Variants in RYR2 observed in about 807,000 individuals in gnomAD.
RYR2 encodes the protein ryanodine receptor 2, also known as cardiac muscle ryanodine receptor-calcium release channel.
RYR2 carries 227 observed loss-of-function variants against 601.1 expected under a neutral mutation model. That is an observed-to-expected ratio of 0.38 (90% CI 0.34 to 0.42). RYR2 has a LOEUF of 0.42. Among genes scored for constraint, RYR2 ranks in the 10% least tolerant of loss-of-function variants. The pLI is 1.00. For missense variants in RYR2, 4,646 were observed against 6,156.5 expected (o/e 0.75, Z 8.21); for synonymous variants, 2,223 against 2,175.1 (o/e 1.02, Z -0.61).
chr1:237,788,054 TCA>T lies in RYR2; in HGVS notation c.13404_13405del (p.His4468GlnfsTer53). The T allele has an allele frequency of 6.2e-7, 1 of 1,611,068 alleles. No homozygotes were observed. The highest frequency in any genetic ancestry group is 8.5e-7 in the Non-Finnish European group (1 of 1,178,424). ...DKGKQKLRQL[H>X]THRYGEPEVP... ...AGGGCAAACAAAAGTTGAGGCAGCT[TCA>T]CACACACAGATACGGAGAACCAGAA... On this transcript the variant is annotated frameshift_variant, in exon 92 of 105. Transcript: ENST00000366574. LOFTEE classifies it high-confidence loss of function.
At chr1:237,548,915 TA>T (rs1670098260) in intron 26 of RYR2, among the ~76,000 whole-genome samples, 1 of 152,186 alleles carries the variant, frequency 6.6e-6, no homozygotes, top group Non-Finnish European at 1.5e-5. Flanking sequence ...AAAGTGATAA[TA>T]AAATGGGTTC....
At chr1:237,255,838 A>AGTGT (rs4006354) in intron 1 of RYR2, among the ~76,000 whole-genome samples, 21,908 of 142,774 alleles carry the variant, frequency 0.15, 1,754 homozygotes, top group Middle Eastern at 0.25. Flanking sequence ...TTGCTATACC[A>AGTGT]GTGTGTGTGT....
chr1:237,054,870 G>A (rs926286713), intron 1 of RYR2, among the ~76,000 whole-genome samples: 1 of 152,122 alleles, frequency 6.6e-6, no homozygotes, highest in Non-Finnish European at 1.5e-5. Context: ...GTGAGTGGGG[G>A]CCATGTGTTG....
chr1:237,718,213 A>G (rs1689419820), intron 72 of RYR2, among the ~76,000 whole-genome samples: 1 of 152,212 alleles, frequency 6.6e-6, no homozygotes, highest in South Asian at 2.1e-4. Context: ...CTTCTTATGA[A>G]TTGGAAACTT....
At chr1:237,233,442 T>C (rs1269936233) in intron 1 of RYR2, among the ~76,000 whole-genome samples, 2 of 151,946 alleles carry the variant, frequency 1.3e-5, no homozygotes, top group African/African-American at 4.8e-5. Flanking sequence ...ATGATCATTT[T>C]AGGTGGATAG....
At chr1:237,489,949 G>A (rs975051805) in intron 17 of RYR2, among the ~76,000 whole-genome samples, 10 of 152,116 alleles carry the variant, frequency 6.6e-5, no homozygotes, top group African/African-American at 1.7e-4. Flanking sequence ...GAAATACTAC[G>A]GATTGGATAA....
intron 89 of RYR2, 29 bp downstream of exon 89, chr1:237,781,675 C>T (rs752184922): frequency 1.7e-6 from 2 of 1,166,426 alleles, no homozygotes; most frequent in Admixed American, 4.0e-5. Flanking sequence ...TTTAAATTCT[C>T]TTTATTATCT....
At chr1:237,261,111 A>G (rs1688466281) in intron 1 of RYR2, among the ~76,000 whole-genome samples, 1 of 152,260 alleles carries the variant, frequency 6.6e-6, no homozygotes, top group Non-Finnish European at 1.5e-5. Context: ...AATGAGATCA[A>G]CTTGTAAGCA....
In RYR2 at chr1:237,639,161, C is replaced by A. The variant is rs200921429; in HGVS notation, c.7075C>A (p.Arg2359=). The part of the protein sequence containing the change: ...EAIKIAEDPS[R]DGPSPNSGSS... Reference sequence around the variant, plus strand: ...CATCAAAATCGCCGAGGATCCTTCCCGAGATGGTCCCTCACCAAATAGCGG... The same window carrying A: ...CATCAAAATCGCCGAGGATCCTTCCAGAGATGGTCCCTCACCAAATAGCGG... Residue 2359 remains arginine, a synonymous_variant, in exon 46 of 105, where the codon CGA becomes AGA. Transcript: ENST00000366574. 4.8e-5 allele frequency: 78 copies of A among 1,613,596 alleles called. No homozygotes were observed. The highest frequency in any genetic ancestry group is 4.2e-4 in the Admixed American group (25 of 59,968).
intron 1 of RYR2, among the ~76,000 whole-genome samples, chr1:237,054,825 G>A (rs1661773593): frequency 1.3e-5 from 2 of 152,172 alleles, no homozygotes; most frequent in African/African-American, 4.8e-5. Context: ...ATTTGGGTGG[G>A]GAGGGCAGGA....
At chr1:237,659,456 T>G (rs1276915084) in intron 54 of RYR2, among the ~76,000 whole-genome samples, 3 of 152,134 alleles carry the variant, frequency 2.0e-5, no homozygotes. Flanking sequence ...ATGAATGTGT[T>G]GAGAGAAAAT....
intron 24 of RYR2, among the ~76,000 whole-genome samples, chr1:237,526,368 AC>A (rs1667594979): frequency 6.7e-6 from 1 of 149,390 alleles, no homozygotes; most frequent in Non-Finnish European, 1.5e-5. Context: ...TTTTTTCAGG[AC>A]CAGAGTCTCA....
At chr1:237,332,689 A>T (rs144268781) in intron 3 of RYR2, among the ~76,000 whole-genome samples, 3 of 152,352 alleles carry the variant, frequency 2.0e-5, no homozygotes, top group Non-Finnish European at 4.4e-5. Flanking sequence ...ATAACAACTT[A>T]GAACTAAATT....
rs555060959 is a variant in RYR2, at chr1:237,202,132, T to C, written c.49-68365T>C. 2.0e-5 allele frequency among the ~76,000 whole-genome samples: 3 copies of C among 152,314 alleles called. No individual in the cohort carries two copies. In the East Asian group the frequency reaches 5.8e-4, roughly 29 times the overall value. On this transcript the variant is annotated intron_variant, in intron 1 of 104. Coordinates refer to ENST00000366574, the MANE Select transcript of RYR2 (RefSeq NM_001035.3). ...TTTTATTGTACACAAAAAAGTAGTT[T>C]TATCCTAACACCATTAAAATATGAT...
chr1:237,072,955 A>AC (rs1460351303), intron 1 of RYR2, among the ~76,000 whole-genome samples: 2 of 151,060 alleles, frequency 1.3e-5, no homozygotes, highest in Admixed American at 6.6e-5. Flanking sequence ...CTCAAAAAAA[A>AC]AAAAAAAAAC....
At chr1:237,569,004 C>T (rs1672379700) in intron 28 of RYR2, 141 bp from the exon 29 acceptor site, 1 of 597,794 alleles carries the variant, frequency 1.7e-6, no homozygotes, top group Non-Finnish European at 2.8e-6. Context: ...TAGGACATTG[C>T]AGTAGACCGA....
chr1:237,329,326 C>A (rs1696480120), intron 2 of RYR2, among the ~76,000 whole-genome samples: 2 of 152,004 alleles, frequency 1.3e-5, no homozygotes, highest in South Asian at 4.2e-4. Flanking sequence ...GGGACTACAG[C>A]CATGTGCCTT....
intron 3 of RYR2, among the ~76,000 whole-genome samples, chr1:237,353,697 T>G (rs1282584616): frequency 1.3e-5 from 2 of 152,110 alleles, no homozygotes; most frequent in Non-Finnish European, 2.9e-5. Context: ...TATTTTGAAA[T>G]TTTGAAATGA....
Position 237,506,797 on chromosome 1 carries a change from G to A in RYR2, c.2701G>A (p.Gly901Ser). The change falls in exon 23 of 105, where the codon GGC (glycine) becomes AGC (serine). Residue 901 changes from glycine (G) to serine (S), a missense_variant. Transcript: ENST00000366574. ...ELWVMNKIEL[G>S]WQYGPVRDDN... is the part of the protein sequence containing the mutation. ...CTGGGTTATGAATAAAATTGAGCTT[G>A]GCTGGCAGTATGGTCCGGTATGTAA... 2 of 1,613,428 alleles carry A rather than the reference G, an allele frequency of 1.2e-6. No homozygotes were observed. Among genetic ancestry groups the A allele is most frequent in the South Asian group, 2.2e-5 (2 of 91,052 alleles).
Sources: gnomAD v4.1 joint callset for allele counts (sites outside exome capture counted in the v4.1 genomes callset) on GRCh38, gnomAD v4.1.1 for gene constraint, MANE v1.5 for transcripts, NCBI Gene and HGNC (gene_info 2026-07-23, HGNC 2026-07-21) for gene names.